The following CEP131 variants were observed in gnomAD, a reference collection of about 807,000 sequenced individuals.
CEP131 encodes the protein centrosomal protein 131.
CEP131 carries 99 observed loss-of-function variants against 136.8 expected under a neutral mutation model. That is an observed-to-expected ratio of 0.72 (90% confidence interval 0.62 to 0.86). The LOEUF is 0.86. Among genes scored for constraint, CEP131 ranks in the 40% least tolerant of loss-of-function variants. The pLI is 0.00. For missense variants in CEP131, 1,459 were observed against 1,463.0 expected, an observed-to-expected ratio of 1.00 and a Z score of 0.04; for synonymous variants, 646 against 612.7, an observed-to-expected ratio of 1.05 and a Z score of -0.80.
At chr17:81,193,371 G>T (rs1186241626) in intron 18 of CEP131, among the ~76,000 whole-genome samples, 1 of 152,206 alleles carries the variant, frequency 6.6e-6, no homozygotes, top group African/African-American at 2.4e-5. Flanking sequence ...CAACAGGGTG[G>T]ATAGGAGAGG....
At chr17:81,218,675 C>T (rs529287809) in intron 2 of CEP131, among the ~76,000 whole-genome samples, 173 of 152,368 alleles carry the variant, frequency 1.1e-3, no homozygotes, top group Middle Eastern at 6.8e-3. Flanking sequence ...CTGCTTGGTC[C>T]AAGGGTCCGC....
intron 19 of CEP131, 51 bp downstream of exon 19, chr17:81,192,685 G>GGGGGGGGGGCGCCCC: frequency 2.1e-6 from 1 of 478,436 alleles, no homozygotes; most frequent in Non-Finnish European, 4.1e-6. Flanking sequence ...GGGGGGAGGG[G>GGGGGGGGGGCGCCCC]TCAGCCAGCG....
At chr17:81,214,804 G>A (rs185376504) in intron 2 of CEP131, among the ~76,000 whole-genome samples, 102 of 152,082 alleles carry the variant, frequency 6.7e-4, no homozygotes, top group African/African-American at 2.4e-3. Context: ...ACGGAATCTC[G>A]CTCTGTCGCC....
In CEP131 at chr17:81,200,394, G is replaced by A; in HGVS notation, c.841C>T (p.His281Tyr). Residue 281 changes from histidine to tyrosine, a missense_variant, in exon 8 of 26, where the codon CAC becomes TAC. This residue lies in a region of CEP131 where 246 missense variants were observed against 318.9 expected (regional missense o/e 0.77). Coordinates refer to ENST00000450824, the MANE Select transcript of CEP131 (RefSeq NM_014984.4). ...ATVTIQRWYR[H>Y]QVQRRGAGAA... ...CCTGCTCCGCGCCGCTGCACCTGGT[G>A]CCGGTACCAGCGCTGGATGGTGACA... 6.4e-7 allele frequency: 1 copy of A among 1,563,964 alleles called. No homozygotes were observed. The highest frequency in any genetic ancestry group is 1.7e-4 in the Middle Eastern group (1 of 5,890).
At chr17:81,202,477 C>A in intron 6 of CEP131, 79 bp from the exon 7 acceptor site, 1 of 1,522,864 alleles carries the variant, frequency 6.6e-7, no homozygotes, top group South Asian at 1.2e-5. Context: ...TGCCCACTCC[C>A]GGAAGTCCCA....
intron 1 of CEP131, among the ~76,000 whole-genome samples, chr17:81,222,519 C>T (rs2062410392): frequency 1.3e-5 from 2 of 152,200 alleles, no homozygotes; most frequent in South Asian, 4.1e-4. Flanking sequence ...GGACCCACAC[C>T]CTCAGGCACG....
intron 1 of CEP131, among the ~76,000 whole-genome samples, chr17:81,222,548 C>T (rs1290815832): frequency 6.6e-6 from 1 of 152,202 alleles, no homozygotes; most frequent in Non-Finnish European, 1.5e-5. Context: ...TTCACCTGCG[C>T]GGGCCCCGGA....
Position 81,220,083 on chromosome 17 carries a change from G to A in CEP131, c.-17-10C>T. 2 of 1,505,608 alleles carry A rather than the reference G, an allele frequency of 1.3e-6. No individual in the cohort carries two copies. The highest frequency in any genetic ancestry group is 1.3e-5 in the South Asian group (1 of 79,366). 93.3% of individuals were successfully genotyped at this position (1,505,608 alleles called of 1,614,324 possible). A position where few individuals can be genotyped will look rare whatever the true frequency, so the allele number is the denominator to read the frequency against. ...GTGGACAAGGCAGGTCCTGAGCGGG[G>A]AAGCAAGAGCTGCAATGAGATGCCG... On this transcript the variant is annotated splice_polypyrimidine_tract_variant and intron_variant, in intron 1 of 25. Transcript: ENST00000450824.
chr17:81,200,565 C>G lies in CEP131; in HGVS notation c.789-119G>C, dbSNP rs1437475760. 4.0e-6 allele frequency: 3 copies of G among 746,704 alleles called. No homozygotes were observed. In the African/African-American group the frequency reaches 5.4e-5, roughly 13 times the overall value. The allele number at this position is 746,704 out of a possible 1,614,324, so 46.3% of individuals were successfully genotyped here. ...AAGCCGGCGGCTGCACTCAAGTAGCCCTTTTCACAAGGCAGGACCAGCCCA... is the reference window on the plus strand; with the variant it reads ...AAGCCGGCGGCTGCACTCAAGTAGCGCTTTTCACAAGGCAGGACCAGCCCA... On this transcript the variant is annotated intron_variant, in intron 7 of 25. Coordinates refer to ENST00000450824, the MANE Select transcript of CEP131 (RefSeq NM_014984.4).
chr17:81,190,727 C>G lies in CEP131; in HGVS notation c.3019G>C (p.Ala1007Pro). The change falls in exon 24 of 26, where the codon GCC becomes CCC. Residue 1007 changes from alanine to proline, a missense_variant. Around this residue, in one of 3 missense-constraint regions of CEP131, gnomAD observed 1,026 missense variants for 964.2 expected, o/e 1.06. Transcript: ENST00000450824. ...IRQEFEDRLAASEEETRQAKA... is the reference protein window; with the variant it reads ...IRQEFEDRLAPSEEETRQAKA... ...GCCTGCCGCGTCTCCTCCTCAGAGG[C>G]TGCCAGCCGGTCCTCGAACTCCTGG... 1 of 1,610,936 alleles carries G rather than the reference C, an allele frequency of 6.2e-7. No individual in the cohort carries two copies. Among genetic ancestry groups the G allele is most frequent in the African/African-American group, 1.3e-5 (1 of 75,032 alleles).
Position 81,203,592 on chromosome 17 carries a change from T to A in CEP131, c.531A>T (p.Ala177=), listed in dbSNP as rs1457071266. The A allele has an allele frequency of 8.8e-6, 14 of 1,598,362 alleles. No homozygotes were observed. Among genetic ancestry groups the A allele is most frequent in the Non-Finnish European group, 1.2e-5 (14 of 1,173,264 alleles). The change falls in exon 6 of 26, where the codon GCA becomes GCT. Residue 177 remains alanine, a synonymous_variant. Transcript: ENST00000450824. This position sits in a 1 kb window ranked among gnomAD's most constrained non-coding sequence, Gnocchi z 4.6. The part of the protein sequence containing the change: ...FTANNRSNKG[A]VGNCVTTMVH... ...CCATGGTGGTGACGCAGTTGCCCAC[T>A]GCTCCCTTGTTGCTCCTGCCAGGCC...
rs1010128031 is a variant in CEP131 at position 81,198,401 on chromosome 17, C to A, written c.1288-104G>T. 5 of 1,208,052 alleles carry A rather than the reference C, an allele frequency of 4.1e-6. No homozygotes were observed. The African/African-American group carries it at 7.7e-5, about 19-fold the overall frequency. 74.8% of individuals were successfully genotyped at this position (1,208,052 alleles called of 1,614,324 possible). On this transcript the variant is annotated intron_variant, in intron 11 of 25. Coordinates refer to ENST00000450824, the MANE Select transcript of CEP131 (RefSeq NM_014984.4). ...AGCCCCAAAGGCGCCGCGGGAGCTC[C>A]CCAGTCCCGACATTCAGCCCCAGGA...
intron 24 of CEP131, among the ~76,000 whole-genome samples, chr17:81,190,281 G>T (rs1361179262): frequency 6.6e-6 from 1 of 152,192 alleles, no homozygotes; most frequent in Non-Finnish European, 1.5e-5. Flanking sequence ...AAGGATGCAG[G>T]ACCCCCGTGG....
chr17:81,198,122 G>A lies in CEP131; in HGVS notation c.1463C>T (p.Ala488Val). Residue 488 changes from alanine (A) to valine (V), a missense_variant, in exon 12 of 26, where the codon GCC (alanine) becomes GTC (valine). This residue lies in a region of CEP131 where 1,026 missense variants were observed against 964.2 expected (regional missense o/e 1.06). Transcript: ENST00000450824. ...GGCGCACACCGTGGTCACCTCGCTGGCCCAGGCGTATCTGCCCCTGTGATG... is the reference window on the plus strand; with the variant it reads ...GGCGCACACCGTGGTCACCTCGCTGACCCAGGCGTATCTGCCCCTGTGATG... ...RTHHRGRYAW[A>V]SEEDDASSLT... 6.4e-7 allele frequency: 1 copy of A among 1,563,852 alleles called. No homozygotes were observed. Among genetic ancestry groups the A allele is most frequent in the Non-Finnish European group, 8.7e-7 (1 of 1,155,202 alleles).
intron 7 of CEP131, 40 bp from the exon 8 acceptor site, chr17:81,200,486 C>A: frequency 2.7e-6 from 4 of 1,459,400 alleles, no homozygotes; most frequent in Non-Finnish European, 3.7e-6. Context: ...ACAGGACCAG[C>A]GCCCCGGCAG....
At chr17:81,196,606 G>A (rs2061760018) in intron 15 of CEP131, 95 bp downstream of exon 15, 10 of 1,490,418 alleles carry the variant, frequency 6.7e-6, no homozygotes, top group Non-Finnish European at 8.9e-6. Flanking sequence ...ACCCAACAGA[G>A]GAAGAAGCTC....
chr17:81,218,678 G>C (rs1006680473), intron 2 of CEP131, among the ~76,000 whole-genome samples: 2 of 152,256 alleles, frequency 1.3e-5, no homozygotes, highest in Non-Finnish European at 2.9e-5. Context: ...CTTGGTCCAA[G>C]GGTCCGCTAC....
At chr17:81,218,290 G>A (rs767403680) in intron 2 of CEP131, among the ~76,000 whole-genome samples, 3 of 152,164 alleles carry the variant, frequency 2.0e-5, no homozygotes, top group African/African-American at 4.8e-5. Flanking sequence ...TGATCCACCC[G>A]CCTCAACCTC....
In CEP131 at chr17:81,219,619, A is replaced by G. The variant is rs913406808; in HGVS notation, c.177+261T>C. 1.3e-5 allele frequency among the ~76,000 whole-genome samples: 2 copies of G among 152,046 alleles called. No individual in the cohort carries two copies. The highest frequency in any genetic ancestry group is 2.9e-5 in the Non-Finnish European group (2 of 68,024). Reference sequence around the variant, plus strand: ...AGCCAACCCCATTTCCTGAGGATTCAAACAAATCCAAAGGGCGGTGGCACA... The same window carrying G: ...AGCCAACCCCATTTCCTGAGGATTCGAACAAATCCAAAGGGCGGTGGCACA... On this transcript the variant is annotated intron_variant, in intron 2 of 25. Coordinates refer to ENST00000450824, the MANE Select transcript of CEP131 (RefSeq NM_014984.4). The surrounding 1 kb of genome is among the most constrained non-coding windows in gnomAD (Gnocchi z 4.0).
Sources: gnomAD v4.1 joint callset for allele counts (sites outside exome capture counted in the v4.1 genomes callset) on GRCh38, gnomAD v4.1.1 for gene constraint, gnomAD v4.1.1 regional missense constraint, Gnocchi (gnomAD v3.1) non-coding constraint, MANE v1.5 for transcripts, NCBI Gene and HGNC (gene_info 2026-07-23, HGNC 2026-07-21) for gene names.